The following ING5 variants were observed in gnomAD, a reference collection of about 807,000 sequenced individuals.
The protein encoded by ING5 is inhibitor of growth family member 5.
In ING5, 17 loss-of-function variants were observed where a neutral mutation model predicts 37.4. That is an observed-to-expected ratio of 0.45 (90% CI 0.31 to 0.68). The LOEUF is 0.68. Ranked by LOEUF, ING5 falls within the 30% of genes least tolerant of loss-of-function variation. The probability of loss-of-function intolerance (pLI) is 0.05; values close to 1 mark genes in which losing one functional copy is unlikely to be tolerated. For missense variants in ING5, 233 were observed against 311.9 expected, an observed-to-expected ratio of 0.75 and a Z score of 1.91; for synonymous variants, 123 against 116.6, an observed-to-expected ratio of 1.06 and a Z score of -0.36.
chr2:241,712,017 G>A lies in ING5; in HGVS notation c.428G>A (p.Arg143Gln), dbSNP rs777960965. The change falls in exon 5 of 8, where the codon CGA (arginine) becomes CAA (glutamine). Residue 143 changes from arginine to glutamine, a missense_variant. This residue lies in a region of ING5 where 76 missense variants were observed against 68.2 expected (regional missense o/e 1.11). Transcript: ENST00000313552. ...AAAGAAAAAAGAGGGTCCCGGGGCCGAGGCAGGAGGACATCAGAGGAAGAC... is the reference window on the plus strand; with the variant it reads ...AAAGAAAAAAGAGGGTCCCGGGGCCAAGGCAGGAGGACATCAGAGGAAGAC... ...GQKEKRGSRG[R>Q]GRRTSEEDTP... The A allele has an allele frequency of 5.6e-6, 9 of 1,612,640 alleles. No individual in the cohort carries two copies. Among genetic ancestry groups the A allele is most frequent in the South Asian group, 3.3e-5 (3 of 90,788 alleles).
exon 2 of ING5, chr2:241,690,219 T>C (rs566260871): frequency 6.2e-5 from 10 of 162,034 alleles, no homozygotes; most frequent in African/African-American, 2.4e-4. Flanking sequence ...ATAAGCACCT[T>C]GAAGTGTGTT....
At chr2:241,707,202 G>T (rs974604729) in intron 2 of ING5, among the ~76,000 whole-genome samples, 2 of 151,846 alleles carry the variant, frequency 1.3e-5, no homozygotes, top group African/African-American at 4.8e-5. Context: ...CAGGTGATCT[G>T]CCCGCCTTGG....
At chr2:241,713,179 C>T (rs538766303) in intron 5 of ING5, among the ~76,000 whole-genome samples, 1 of 151,348 alleles carries the variant, frequency 6.6e-6, no homozygotes, top group South Asian at 2.1e-4. Flanking sequence ...GCCTCACCCT[C>T]CTGGATAGCT....
chr2:241,713,009 A>T (rs1417649463), intron 5 of ING5, among the ~76,000 whole-genome samples: 3 of 151,638 alleles, frequency 2.0e-5, no homozygotes, highest in Admixed American at 6.6e-5. Flanking sequence ...TCAAAAAAAA[A>T]AAATAAAGAG....
intron 7 of ING5, 31 bp downstream of exon 7, chr2:241,723,302 C>G: frequency 3.7e-6 from 6 of 1,608,454 alleles, no homozygotes; most frequent in Non-Finnish European, 5.1e-6. Context: ...TCTGTTTTCT[C>G]CCAGTCTGCT....
chr2:241,702,747 G>A lies in ING5; in HGVS notation c.37+645G>A, dbSNP rs544653588. Among the ~76,000 whole-genome samples, 110 of 152,366 alleles carry A rather than the reference G, an allele frequency of 7.2e-4. 3 individuals carry two copies. The South Asian group carries it at 0.022, about 30-fold the overall frequency. ...GGCGCCCCCAGCGGCTGAGCGGACG[G>A]TGCTTTCCCTCACTTTACACACCAG... On this transcript the variant is annotated intron_variant, in intron 1 of 7. Coordinates refer to ENST00000313552, the MANE Select transcript of ING5 (RefSeq NM_032329.6).
At chr2:241,715,995 G>T (rs2070257267) in intron 5 of ING5, among the ~76,000 whole-genome samples, 1 of 151,860 alleles carries the variant, frequency 6.6e-6, no homozygotes, top group Admixed American at 6.6e-5. Context: ...ATTTCACCAT[G>T]CTGGGCAGGC....
At chr2:241,707,081 T>G (rs554418826) in intron 2 of ING5, among the ~76,000 whole-genome samples, 17 of 150,748 alleles carry the variant, frequency 1.1e-4, no homozygotes, top group African/African-American at 4.1e-4. Flanking sequence ...TGCCTCAGCC[T>G]CCCGAGTAGC....
upstream of ING5, among the ~76,000 whole-genome samples, chr2:241,701,804 G>A (rs1394947199): frequency 6.6e-6 from 1 of 151,960 alleles, no homozygotes; most frequent in Non-Finnish European, 1.5e-5. Flanking sequence ...GGGCGGTGGG[G>A]CCGGGAACCC....
Position 241,724,972 on chromosome 2 carries a change from C to T in ING5, c.681-17C>T, listed in dbSNP as rs200438458. The T allele has an allele frequency of 1.5e-5, 25 of 1,613,846 alleles. No homozygotes were observed. Among genetic ancestry groups the T allele is most frequent in the African/African-American group, 9.3e-5 (7 of 75,040 alleles). On this transcript the variant is annotated splice_polypyrimidine_tract_variant and intron_variant, in intron 7 of 7. Transcript: ENST00000313552. ...GGAAATGGCGCCCAGGGCCTCACTG[C>T]GCCTTTCTTGTCACAGGTTCTGTCC...
chr2:241,722,509 G>T, intron 5 of ING5: 5 of 985,464 alleles, frequency 5.1e-6, no homozygotes, highest in Non-Finnish European at 6.0e-6. Context: ...CCCCTCTGCT[G>T]CCAGCTGCTG....
intron 2 of ING5, among the ~76,000 whole-genome samples, chr2:241,707,887 C>T (rs527684018): frequency 1.3e-5 from 2 of 152,242 alleles, no homozygotes; most frequent in South Asian, 4.2e-4. Flanking sequence ...TCACCTTCCA[C>T]CTTTAACAGT....
At position 241,723,139 on chromosome 2, in the gene ING5, G is replaced by A. The variant is rs2070470874; in HGVS notation, c.618+65G>A. The A allele has an allele frequency of 1.2e-6, 2 of 1,613,754 alleles. 1 individual carries two copies. Among genetic ancestry groups the A allele is most frequent in the South Asian group, 2.2e-5 (2 of 91,090 alleles). ...CTTGTGTGGGGCAGGGCTGGCGGAT[G>A]TTGGCATTTCTTGTGTTTTGCATAC... On this transcript the variant is annotated intron_variant, in intron 6 of 7. Transcript: ENST00000313552.
intron 1 of ING5, among the ~76,000 whole-genome samples, chr2:241,688,237 C>T (rs1294454166): frequency 6.6e-6 from 1 of 152,212 alleles, no homozygotes; most frequent in Non-Finnish European, 1.5e-5. Context: ...GCACTCTTAC[C>T]TTTCGAGGCG....
rs192122282 is a variant in ING5, at chr2:241,705,113, C to T, written c.109+389C>T. 1.4e-3 allele frequency among the ~76,000 whole-genome samples: 208 copies of T among 152,034 alleles called. 2 individuals are homozygous for T. Among genetic ancestry groups the T allele is most frequent in the African/African-American group, 4.7e-3 (196 of 41,472 alleles). ...TTTTTGAGACGGAGTCTTGCTTTGTCGCCCAGTCCGGAGTGCAGTGACGTG... is the reference window on the plus strand; with the variant it reads ...TTTTTGAGACGGAGTCTTGCTTTGTTGCCCAGTCCGGAGTGCAGTGACGTG... On this transcript the variant is annotated intron_variant, in intron 2 of 7. Transcript: ENST00000313552.
At chr2:241,697,431 T>C (rs1237479050), upstream of ING5, among the ~76,000 whole-genome samples, 1 of 132,246 alleles carries the variant, frequency 7.6e-6, no homozygotes, top group Non-Finnish European at 1.6e-5. Context: ...CGAGACTCTG[T>C]CTCAAAAAAA....
Position 241,709,371 on chromosome 2 carries a change from A to G in ING5, c.265A>G (p.Thr89Ala), listed in dbSNP as rs1289465941. The G allele has an allele frequency of 8.7e-6, 14 of 1,613,018 alleles. No homozygotes were observed. The highest frequency in any genetic ancestry group is 1.1e-5 in the Non-Finnish European group (13 of 1,179,710). Residue 89 changes from threonine to alanine, a missense_variant, in exon 3 of 8, where the codon ACC becomes GCC. This residue lies in a region of ING5 where 19 missense variants were observed against 45.8 expected (regional missense o/e 0.41). Transcript: ENST00000313552. ...SDDKVQLAMQ[T>A]YEMVDKHIRR... ...CGACAAAGTGCAGCTGGCCATGCAG[A>G]CCTACGAGATGGTGAGGGCGGGGCG...
intron 7 of ING5, 33 bp from the exon 8 acceptor site, chr2:241,724,956 G>C: frequency 6.2e-7 from 1 of 1,612,796 alleles, no homozygotes; most frequent in Non-Finnish European, 8.5e-7. Flanking sequence ...CGGAAATGGC[G>C]CCCAGGGCCT....
intron 2 of ING5, among the ~76,000 whole-genome samples, chr2:241,695,154 G>A (rs1186814347): frequency 6.6e-6 from 1 of 151,702 alleles, no homozygotes; most frequent in Non-Finnish European, 1.5e-5. Context: ...GTGAGGTGAT[G>A]TCTTAGGGCT....
Sources: allele counts gnomAD v4.1 joint callset (sites outside exome capture counted in the v4.1 genomes callset), GRCh38; gene constraint gnomAD v4.1.1; regional missense constraint gnomAD v4.1.1; transcripts MANE v1.5; gene names NCBI Gene and HGNC (gene_info 2026-07-23, HGNC 2026-07-21).